CASP6: variants seen among roughly 807,000 people sequenced by gnomAD.
CASP6 encodes caspase-6.
Under a neutral mutation model 31.8 loss-of-function variants are expected in CASP6, and 20 were observed. That is an observed-to-expected ratio of 0.63 (90% CI 0.44 to 0.91). The LOEUF (loss-of-function observed/expected upper bound fraction) is 0.91, where lower values mean the gene tolerates loss of function less well. Ranked by LOEUF, CASP6 falls within the 40% of genes least tolerant of loss-of-function variation. CASP6 has a pLI of 0.00. For synonymous variants in CASP6, 130 were observed against 127.8 expected (o/e 1.02, Z -0.12); for missense variants, 328 against 361.1 (o/e 0.91, Z 0.74).
chr4:109,694,416 G>C lies in CASP6; in HGVS notation c.483+109C>G, dbSNP rs1730172852. On this transcript the variant is annotated intron_variant, in intron 5 of 6. Coordinates refer to ENST00000265164, the MANE Select transcript of CASP6 (RefSeq NM_001226.4). ...TATGATTGGCCAGAATTCAAAAACG[G>C]CCTGTCCAATTACTGGAGAAAGTTA... The C allele has an allele frequency of 4.1e-6, 4 of 973,756 alleles. No homozygotes were observed. In the Admixed American group the frequency reaches 1.1e-4, roughly 28 times the overall value. The allele number at this position is 973,756 out of a possible 1,614,324, so 60.3% of individuals were successfully genotyped here.
At chr4:109,683,775 G>A (rs1729769519), downstream of CASP6, among the ~76,000 whole-genome samples, 1 of 152,184 alleles carries the variant, frequency 6.6e-6, no homozygotes, top group Non-Finnish European at 1.5e-5. Flanking sequence ...AATGGGTTTT[G>A]TGTATGCAGG....
intron 2 of CASP6, 70 bp downstream of exon 2, chr4:109,698,230 C>G: frequency 6.6e-7 from 1 of 1,512,714 alleles, no homozygotes; most frequent in Non-Finnish European, 8.9e-7. Context: ...CCCATTCTTG[C>G]TTTGATTTCT....
chr4:109,679,824 C>T, the CASP6 span, among the ~76,000 whole-genome samples: 2 of 148,526 alleles, frequency 1.3e-5, no homozygotes, highest in Non-Finnish European at 2.9e-5. Context: ...GTTTTTGAGA[C>T]AGAGTCTCTC....
chr4:109,684,284 G>A (rs558553594), downstream of CASP6, among the ~76,000 whole-genome samples: 33 of 152,102 alleles, frequency 2.2e-4, no homozygotes, highest in East Asian at 6.4e-3. Flanking sequence ...GGATGGTCTC[G>A]ATCTCCTGAC....
At chr4:109,675,982 A>G in the CASP6 span, among the ~76,000 whole-genome samples, 1 of 152,248 alleles carries the variant, frequency 6.6e-6, no homozygotes, top group Non-Finnish European at 1.5e-5. Context: ...ATATTCTGCT[A>G]TTGCAGCAGA....
Position 109,696,431 on chromosome 4 carries a change from G to C in CASP6, c.286C>G (p.Leu96Val), listed in dbSNP as rs543685141. Residue 96 changes from leucine (L) to valine (V), a missense_variant, in exon 4 of 7, where the codon CTA (leucine) becomes GTA (valine). Leu to Val is a conservative substitution (Grantham distance 32). Coordinates refer to ENST00000265164, the MANE Select transcript of CASP6 (RefSeq NM_001226.4). ...CTACCCTCATGAATTTTGAGCAGTA[G>C]TTCTTCTGCTTTAAGATCATTAAAG... Reference protein sequence around the residue: ...KCFNDLKAEELLLKIHEVSTV... With the variant: ...KCFNDLKAEEVLLKIHEVSTV... 6.2e-6 allele frequency: 10 copies of C among 1,612,576 alleles called. No homozygotes were observed. Among genetic ancestry groups the C allele is most frequent in the East Asian group, 2.2e-5 (1 of 44,816 alleles).
chr4:109,683,558 G>T, the CASP6 span, among the ~76,000 whole-genome samples: 3 of 152,100 alleles, frequency 2.0e-5, no homozygotes, highest in East Asian at 5.8e-4. Context: ...AATCATTTCA[G>T]ATTTCCTTTA....
chr4:109,703,918 T>C (rs538218365), upstream of CASP6, among the ~76,000 whole-genome samples: 70 of 152,372 alleles, frequency 4.6e-4, no homozygotes, highest in African/African-American at 1.7e-3. Flanking sequence ...CACATTTTGG[T>C]ACTCTCGCAA....
the CASP6 span, among the ~76,000 whole-genome samples, chr4:109,668,313 A>T: frequency 6.6e-6 from 1 of 151,922 alleles, no homozygotes. Flanking sequence ...ATGTAGTTTG[A>T]TGCTGTGTTA....
At chr4:109,694,412 A>C in intron 5 of CASP6, 113 bp downstream of exon 5, 1 of 938,992 alleles carries the variant, frequency 1.1e-6, no homozygotes, top group Non-Finnish European at 1.6e-6. Flanking sequence ...AGAATTCAAA[A>C]ACGGCCTGTC....
chr4:109,670,545 G>C, the CASP6 span, among the ~76,000 whole-genome samples: 3 of 151,926 alleles, frequency 2.0e-5, no homozygotes, highest in Non-Finnish European at 4.4e-5. Flanking sequence ...GTGAAACCCT[G>C]TCTCTACTAA....
chr4:109,697,144 T>C (rs1431496413), intron 3 of CASP6, among the ~76,000 whole-genome samples: 27 of 152,112 alleles, frequency 1.8e-4, no homozygotes, highest in Admixed American at 1.6e-3. Flanking sequence ...TCCAACACTC[T>C]TGATCTGTTG....
At chr4:109,695,383 A>G (rs1730205859) in intron 4 of CASP6, among the ~76,000 whole-genome samples, 16 of 152,218 alleles carry the variant, frequency 1.1e-4, no homozygotes, top group Admixed American at 1.0e-3. Flanking sequence ...GAATCAGCAG[A>G]GACCTTAGAG....
intron 3 of CASP6, among the ~76,000 whole-genome samples, chr4:109,696,782 T>TG (rs370687913): frequency 9.1e-6 from 1 of 109,984 alleles, no homozygotes; most frequent in East Asian, 4.5e-4. Flanking sequence ...CTCAGGCAAG[T>TG]TTTTTTTTTT....
At chr4:109,703,752 G>T (rs756116908), upstream of CASP6, among the ~76,000 whole-genome samples, 1 of 152,212 alleles carries the variant, frequency 6.6e-6, no homozygotes, top group Non-Finnish European at 1.5e-5. Flanking sequence ...CATCACTTGT[G>T]TGAGCTCGGA....
the CASP6 span, among the ~76,000 whole-genome samples, chr4:109,667,581 A>G: frequency 4.6e-5 from 7 of 150,604 alleles, no homozygotes; most frequent in Non-Finnish European, 1.0e-4. Context: ...TCTCAATTTC[A>G]TTGGTTTCTA....
chr4:109,685,237 T>C, downstream of CASP6: 2 of 846,156 alleles, frequency 2.4e-6, no homozygotes, highest in East Asian at 2.5e-5. Context: ...CTTCTCTCTC[T>C]CTTTTTTTTT....
At chr4:109,702,391 G>C (rs1730448609) in intron 1 of CASP6, among the ~76,000 whole-genome samples, 3 of 150,186 alleles carry the variant, frequency 2.0e-5, no homozygotes, top group African/African-American at 7.4e-5. Flanking sequence ...GTGCAGTGGG[G>C]CGATCTCGGC....
At chr4:109,665,153 G>A in the CASP6 span, among the ~76,000 whole-genome samples, 1 of 152,138 alleles carries the variant, frequency 6.6e-6, no homozygotes, top group African/African-American at 2.4e-5. Flanking sequence ...TACTCTTGGT[G>A]TTGTATATTC....
Sources: gnomAD v4.1 joint callset for allele counts (sites outside exome capture counted in the v4.1 genomes callset) on GRCh38, gnomAD v4.1.1 for gene constraint, MANE v1.5 for transcripts, NCBI Gene and HGNC (gene_info 2026-07-23, HGNC 2026-07-21) for gene names.